ANKRD44: variants seen among roughly 807,000 people sequenced by gnomAD.
ANKRD44 encodes the protein serine/threonine-protein phosphatase 6 regulatory ankyrin repeat subunit B.
A neutral mutation model predicts 116.0 loss-of-function variants in ANKRD44; 35 were observed. The observed-to-expected ratio is 0.30, with a 90% CI of 0.23 to 0.40. The LOEUF (loss-of-function observed/expected upper bound fraction) is 0.40, where lower values mean the gene tolerates loss of function less well. Ranked by LOEUF, ANKRD44 falls within the 10% of genes least tolerant of loss-of-function variation. The probability of loss-of-function intolerance (pLI) is 1.00; values close to 1 mark genes in which losing one functional copy is unlikely to be tolerated. For missense variants in ANKRD44, 1,014 were observed against 1,242.6 expected, an observed-to-expected ratio of 0.82 and a Z score of 2.77; for synonymous variants, 435 against 461.8, an observed-to-expected ratio of 0.94 and a Z score of 0.74.
At chr2:197,195,081 T>C (rs1008892498) in intron 1 of ANKRD44, among the ~76,000 whole-genome samples, 1 of 152,220 alleles carries the variant, frequency 6.6e-6, no homozygotes, top group African/African-American at 2.4e-5. Flanking sequence ...GCTCAAGCGA[T>C]GCTCCCACCT....
intron 4 of ANKRD44, chr2:197,134,523 C>G (rs189263626): frequency 6.6e-6 from 1 of 152,166 alleles, no homozygotes; most frequent in Admixed American, 6.5e-5. Context: ...AGAATGCAGA[C>G]TGGTTGTTGA....
intron 1 of ANKRD44, among the ~76,000 whole-genome samples, chr2:197,211,927 A>T (rs1446482611): frequency 6.6e-6 from 1 of 152,026 alleles, no homozygotes; most frequent in Non-Finnish European, 1.5e-5. Context: ...CGGGACTCCA[A>T]TCACTTTGCC....
chr2:196,972,508 A>G (rs1348775606), intron 21 of ANKRD44, among the ~76,000 whole-genome samples: 1 of 152,172 alleles, frequency 6.6e-6, no homozygotes, highest in African/African-American at 2.4e-5. Flanking sequence ...GGCCAGGGCA[A>G]TAATTTTAAA....
chr2:197,140,383 A>C, intron 3 of ANKRD44, among the ~76,000 whole-genome samples: 1 of 152,062 alleles, frequency 6.6e-6, no homozygotes, highest in East Asian at 1.9e-4. Context: ...GTGTAGTGGC[A>C]TTATAGCTCA....
At chr2:197,050,185 C>A (rs1204853007) in intron 16 of ANKRD44, among the ~76,000 whole-genome samples, 1 of 152,060 alleles carries the variant, frequency 6.6e-6, no homozygotes, top group Non-Finnish European at 1.5e-5. Context: ...AAATGACCAG[C>A]TCTCATAAGA....
chr2:197,049,004 T>C (rs2077055919), intron 16 of ANKRD44, among the ~76,000 whole-genome samples: 1 of 152,224 alleles, frequency 6.6e-6, no homozygotes, highest in Admixed American at 6.5e-5. Flanking sequence ...TGTCTGTTCA[T>C]ATCCTTTAGC....
At chr2:197,295,444 T>C (rs1559228509) in intron 1 of ANKRD44, among the ~76,000 whole-genome samples, 1 of 152,212 alleles carries the variant, frequency 6.6e-6, no homozygotes, top group African/African-American at 2.4e-5. Flanking sequence ...TAGAATTTTG[T>C]TTAATTTTTA....
At position 196,998,419 on chromosome 2, in the gene ANKRD44, T is replaced by C; in HGVS notation, c.2666A>G (p.Asp889Gly). The change falls in exon 25 of 28, where the codon GAT (aspartate) becomes GGT (glycine). Residue 889 changes from aspartate (D) to glycine (G), a missense_variant and splice_region_variant. Transcript: ENST00000282272. Reference sequence around the variant, plus strand: ...AGCCTGGGCACTGTTCACCAAAATATCTGTAGAAAAAGCCCAAAAGAGGGT... The same window carrying C: ...AGCCTGGGCACTGTTCACCAAAATACCTGTAGAAAAAGCCCAAAAGAGGGT... Reference protein sequence around the residue: ...AAENGQAGAVDILVNSAQADL... With the variant: ...AAENGQAGAVGILVNSAQADL... The C allele has an allele frequency of 6.2e-7, 1 of 1,613,252 alleles. No homozygotes were observed. The highest frequency in any genetic ancestry group is 8.5e-7 in the Non-Finnish European group (1 of 1,179,510).
intron 1 of ANKRD44, chr2:197,302,293 A>T (rs2105914697): frequency 6.6e-6 from 1 of 152,458 alleles, no homozygotes; most frequent in Admixed American, 6.5e-5. Context: ...TCACTCTGAG[A>T]GCTACGTTGA....
chr2:197,274,484 T>C (rs13385364), intron 1 of ANKRD44, among the ~76,000 whole-genome samples: 34,743 of 152,118 alleles, frequency 0.23, 4,160 homozygotes, highest in Middle Eastern at 0.3. Flanking sequence ...ACACCATTCC[T>C]GTGACAACCT....
rs1205266644 is a variant in ANKRD44, at chr2:197,008,957, C to G, written c.1999G>C (p.Asp667His). Residue 667 changes from aspartate to histidine, a missense_variant, in exon 19 of 28, where the codon GAT (aspartate) becomes CAT (histidine). Transcript: ENST00000282272. ...GAGCGCACTTACTGTCCTTTGGCATCTTTCACATCGACCGCCTCCGGGTTG... is the reference window on the plus strand; with the variant it reads ...GAGCGCACTTACTGTCCTTTGGCATGTTTCACATCGACCGCCTCCGGGTTG... ...ADNPEAVDVK[D>H]AKGQTPLMLA... The G allele has an allele frequency of 6.2e-7, 1 of 1,614,148 alleles. No homozygotes were observed. Among genetic ancestry groups the G allele is most frequent in the Admixed American group, 1.7e-5 (1 of 60,032 alleles).
At chr2:197,111,125 C>T (rs1224717682) in intron 8 of ANKRD44, among the ~76,000 whole-genome samples, 2 of 152,214 alleles carry the variant, frequency 1.3e-5, no homozygotes, top group Non-Finnish European at 2.9e-5. Flanking sequence ...TAAAATGTAC[C>T]TGACCTCTCA....
intron 2 of ANKRD44, among the ~76,000 whole-genome samples, chr2:197,169,065 C>T (rs1486604364): frequency 6.6e-6 from 1 of 152,146 alleles, no homozygotes; most frequent in Admixed American, 6.5e-5. Flanking sequence ...CCTTTCTTGT[C>T]TCCTCTCCAA....
At chr2:197,063,686 T>C (rs1421669243) in intron 16 of ANKRD44, among the ~76,000 whole-genome samples, 1 of 152,160 alleles carries the variant, frequency 6.6e-6, no homozygotes, top group Non-Finnish European at 1.5e-5. Context: ...TTCGATCAAC[T>C]GGAAGAAACA....
At chr2:197,050,699 A>T (rs753154999) in intron 16 of ANKRD44, among the ~76,000 whole-genome samples, 1 of 152,138 alleles carries the variant, frequency 6.6e-6, no homozygotes, top group Non-Finnish European at 1.5e-5. Flanking sequence ...CTGGCATTAC[A>T]GGTGTGAGCC....
chr2:197,292,524 T>C (rs2083601873), intron 1 of ANKRD44, among the ~76,000 whole-genome samples: 1 of 152,224 alleles, frequency 6.6e-6, no homozygotes, highest in Non-Finnish European at 1.5e-5. Flanking sequence ...TGATATAATG[T>C]TTCCATTTTA....
At chr2:197,011,629 T>G (rs1421187623) in intron 18 of ANKRD44, among the ~76,000 whole-genome samples, 1 of 152,010 alleles carries the variant, frequency 6.6e-6, no homozygotes, top group Non-Finnish European at 1.5e-5. Flanking sequence ...CACACTACCA[T>G]GCCCAGCTAA....
chr2:197,188,961 G>A (rs561231503), intron 1 of ANKRD44, among the ~76,000 whole-genome samples: 7 of 152,156 alleles, frequency 4.6e-5, no homozygotes, highest in African/African-American at 1.7e-4. Flanking sequence ...CTTAGGAACT[G>A]GTGGCAAGCA....
chr2:197,046,389 T>G (rs970604183), intron 16 of ANKRD44, among the ~76,000 whole-genome samples: 5 of 152,176 alleles, frequency 3.3e-5, no homozygotes, highest in Non-Finnish European at 5.9e-5. Context: ...TTAAATCAAA[T>G]TTTAGGGTAG....
Sources: gnomAD v4.1 joint callset for allele counts (sites outside exome capture counted in the v4.1 genomes callset) on GRCh38, gnomAD v4.1.1 for gene constraint, MANE v1.5 for transcripts, NCBI Gene and HGNC (gene_info 2026-07-23, HGNC 2026-07-21) for gene names.